The following ATM variants were observed in gnomAD, a reference collection of about 807,000 sequenced individuals.
The protein encoded by ATM is serine-protein kinase ATM.
A neutral mutation model predicts 387.0 loss-of-function variants in ATM; 308 were observed. That is an observed-to-expected ratio of 0.80 (90% CI 0.73 to 0.87). The LOEUF is 0.87. Among genes scored for constraint, ATM ranks in the 40% least tolerant of loss-of-function variants. The probability of loss-of-function intolerance (pLI) is 0.00; values close to 1 mark genes in which losing one functional copy is unlikely to be tolerated. For synonymous variants in ATM, 1,156 were observed against 1,187.3 expected, an observed-to-expected ratio of 0.97 and a Z score of 0.54; for missense variants, 3,312 against 3,560.9, an observed-to-expected ratio of 0.93 and a Z score of 1.78.
intron 32 of ATM, chr11:108,295,882 T>G (rs1172302880): frequency 6.6e-6 from 1 of 152,132 alleles, no homozygotes; most frequent in African/African-American, 2.4e-5. Flanking sequence ...GGTCTCAAAC[T>G]CCTGAGCTCA....
chr11:108,240,119 G>A (rs1274924576), intron 5 of ATM, among the ~76,000 whole-genome samples: 1 of 152,146 alleles, frequency 6.6e-6, no homozygotes, highest in Non-Finnish European at 1.5e-5. Flanking sequence ...ATTATCCAGA[G>A]TCCAAGGTTC....
intron 61 of ATM, among the ~76,000 whole-genome samples, chr11:108,364,668 A>G (rs1157916396): frequency 6.6e-6 from 1 of 152,166 alleles, no homozygotes; most frequent in Non-Finnish European, 1.5e-5. Context: ...AGGTCCAAAT[A>G]GGCTTGCTGG....
intron 59 of ATM, 54 bp downstream of exon 59, chr11:108,347,419 G>A (rs1231324980): frequency 1.4e-5 from 19 of 1,396,330 alleles, no homozygotes; most frequent in Non-Finnish European, 1.5e-5. Context: ...TGGTCATCAT[G>A]GAATGTTGTT....
intron 38 of ATM, chr11:108,308,822 T>C: frequency 1.8e-6 from 1 of 555,506 alleles, no homozygotes; most frequent in Non-Finnish European, 3.2e-6. Context: ...TTTTATGCTT[T>C]TCAGTGTCTT....
In ATM at chr11:108,354,359, C is replaced by A. The variant is rs935724358; in HGVS notation, c.8787-452C>A. Among the ~76,000 whole-genome samples, 6 of 152,150 alleles carry A rather than the reference C, an allele frequency of 3.9e-5. 1 individual carries two copies. The highest frequency in any genetic ancestry group is 6.5e-5 in the Admixed American group (1 of 15,268). On this transcript the variant is annotated intron_variant, in intron 60 of 62. Transcript: ENST00000675843. ...CCAAACTACTATTGGGTGCTCATCA[C>A]TGTGCATATAGAAGAGACTACATTT...
chr11:108,311,061 G>A (rs552093110), intron 39 of ATM, among the ~76,000 whole-genome samples: 1 of 152,208 alleles, frequency 6.6e-6, no homozygotes, highest in South Asian at 2.1e-4. Flanking sequence ...TTGATCTTCC[G>A]GGCTCAAGTG....
At chr11:108,236,087 G>A (rs1319312244) in intron 5 of ATM, 3 of 486,016 alleles carry the variant, frequency 6.2e-6, no homozygotes, top group Non-Finnish European at 1.1e-5. Context: ...CATCTCCATC[G>A]TCAAGGAGTT....
intron 27 of ATM, 133 bp from the exon 28 acceptor site, chr11:108,288,844 A>G (rs2082631627): frequency 2.0e-6 from 2 of 990,732 alleles, no homozygotes; most frequent in Non-Finnish European, 3.1e-6. Flanking sequence ...TATTGAAAGT[A>G]TAGTTTTTCA....
rs1213190389 is a variant in ATM, at chr11:108,289,724, A to G, written c.4359A>G (p.Ile1453Met). ...HLFVSLLLKDIKSGLGGAWAF... is the reference protein window; with the variant it reads ...HLFVSLLLKDMKSGLGGAWAF... ...TTGTTAGTTTATTACTGAAAGATATAAAAAGTGGCTTAGGAGGAGCTTGGG... is the reference window on the plus strand; with the variant it reads ...TTGTTAGTTTATTACTGAAAGATATGAAAAGTGGCTTAGGAGGAGCTTGGG... The change falls in exon 29 of 63, where the codon ATA becomes ATG. Residue 1453 changes from isoleucine (I) to methionine (M), a missense_variant. By Grantham distance (10) the Ile-to-Met change is conservative (BLOSUM62 1). Around this residue, in one of 4 missense-constraint regions of ATM, gnomAD observed 1,791 missense variants for 1,804.5 expected, o/e 0.99. Coordinates refer to ENST00000675843, the MANE Select transcript of ATM (RefSeq NM_000051.4). The G allele has an allele frequency of 6.2e-7, 1 of 1,613,792 alleles. No individual in the cohort carries two copies. Among genetic ancestry groups the G allele is most frequent in the African/African-American group, 1.3e-5 (1 of 75,062 alleles).
In ATM at chr11:108,317,533, G is replaced by T; in HGVS notation, c.6347+12G>T. The T allele has an allele frequency of 6.3e-7, 1 of 1,575,716 alleles. No individual in the cohort carries two copies. Among genetic ancestry groups the T allele is most frequent in the South Asian group, 1.1e-5 (1 of 90,138 alleles). The stretch of plus-strand genomic sequence containing the variant: ...TGCACTTCCGTCAGGTAAGAAATTT[G>T]ACTTGATTTTTTTTTTTTTGCCTCT... On this transcript the variant is annotated intron_variant, in intron 43 of 62. Coordinates refer to ENST00000675843, the MANE Select transcript of ATM (RefSeq NM_000051.4).
chr11:108,329,815 A>G (rs886559134), intron 49 of ATM, among the ~76,000 whole-genome samples: 6 of 152,224 alleles, frequency 3.9e-5, no homozygotes, highest in African/African-American at 1.2e-4. Context: ...TGGAGAATAT[A>G]GATATTAGCT....
Position 108,229,249 on chromosome 11 carries a change from C to T in ATM, c.257C>T (p.Thr86Ile), listed in dbSNP as rs755326770. ...RIAKPNVSASTQASRQKKMQE... is the reference protein window; with the variant it reads ...RIAKPNVSASIQASRQKKMQE... ...GCAAAACCAAATGTATCAGCCTCAA[C>T]ACAAGCCTCCAGGCAGAAAAAGATG... The change falls in exon 4 of 63, where the codon ACA (threonine) becomes ATA (isoleucine). Residue 86 changes from threonine (T) to isoleucine (I), a missense_variant. Around this residue, in one of 4 missense-constraint regions of ATM, gnomAD observed 1,791 missense variants for 1,804.5 expected, o/e 0.99. Transcript: ENST00000675843. 1.2e-6 allele frequency: 2 copies of T among 1,613,684 alleles called. No homozygotes were observed. Among genetic ancestry groups the T allele is most frequent in the Admixed American group, 1.7e-5 (1 of 59,988 alleles).
intron 56 of ATM, among the ~76,000 whole-genome samples, chr11:108,337,747 G>A (rs2087008657): frequency 6.6e-6 from 1 of 152,210 alleles, no homozygotes; most frequent in Non-Finnish European, 1.5e-5. Flanking sequence ...TAGATATTCT[G>A]TAATGTGAAT....
chr11:108,341,690 ATCATTTTAATATAAAGAACAAGGGATT>A (rs2087601062), intron 56 of ATM, among the ~76,000 whole-genome samples: 1 of 152,244 alleles, frequency 6.6e-6, no homozygotes, highest in Admixed American at 6.5e-5. Context: ...AACAAAAAGG[ATCATTTTAATATAAAGAACAAGGGATT>A]TATATGAAGA....
chr11:108,326,799 T>C (rs925069380), intron 47 of ATM, among the ~76,000 whole-genome samples: 37 of 152,284 alleles, frequency 2.4e-4, no homozygotes, highest in African/African-American at 7.7e-4. Context: ...GCTTAGTGAA[T>C]ATCAGCTCAC....
Position 108,267,190 on chromosome 11 carries a change from C to T in ATM, c.2486C>T (p.Pro829Leu), listed in dbSNP as rs1565416001. ...CKSLASFIKK[P>L]FDRGEVESME... ...TTGAAGGCATCCTTCATCAAAAAGC[C>T]ATTTGACCGTGGAGAAGTAGAATCA... The change falls in exon 17 of 63, where the codon CCA (proline) becomes CTA (leucine). Residue 829 changes from proline to leucine, a missense_variant. Coordinates refer to ENST00000675843, the MANE Select transcript of ATM (RefSeq NM_000051.4). 6.2e-7 allele frequency: 1 copy of T among 1,614,040 alleles called. No homozygotes were observed. The highest frequency in any genetic ancestry group is 8.5e-7 in the Non-Finnish European group (1 of 1,179,978).
At chr11:108,343,702 C>T (rs935182495) in intron 57 of ATM, among the ~76,000 whole-genome samples, 1 of 152,152 alleles carries the variant, frequency 6.6e-6, no homozygotes, top group Non-Finnish European at 1.5e-5. Flanking sequence ...ATCCCAGCTA[C>T]TTGAGAGGCT....
rs546468703 is a variant in ATM at position 108,349,999 on chromosome 11, A to T, written c.8671+2634A>T. ...TATATTTGCTATTGTGTTTTTGCTG[A>T]GAAATAGAAAGCATGCTCATTTGCT... On this transcript the variant is annotated intron_variant, in intron 59 of 62. Transcript: ENST00000675843. Among the ~76,000 whole-genome samples, 5 of 152,274 alleles carry T rather than the reference A, an allele frequency of 3.3e-5. No homozygotes were observed. In the South Asian group the frequency reaches 1.0e-3, roughly 32 times the overall value.
intron 16 of ATM, among the ~76,000 whole-genome samples, chr11:108,262,029 G>A (rs1311307087): frequency 6.6e-6 from 1 of 151,954 alleles, no homozygotes; most frequent in Non-Finnish European, 1.5e-5. Flanking sequence ...AAAGTAACGG[G>A]GAGAATGGAA....
Sources: allele counts gnomAD v4.1 joint callset (sites outside exome capture counted in the v4.1 genomes callset), GRCh38; gene constraint gnomAD v4.1.1; regional missense constraint gnomAD v4.1.1; transcripts MANE v1.5; gene names NCBI Gene and HGNC (gene_info 2026-07-23, HGNC 2026-07-21).